Variants in RAD51B observed in about 807,000 individuals in gnomAD.
The protein encoded by RAD51B is DNA repair protein RAD51 homolog 2.
In RAD51B, 38 loss-of-function variants were observed where a neutral mutation model predicts 42.2. That is an observed-to-expected ratio of 0.90 (90% CI 0.70 to 1.18). The LOEUF is 1.18. Ranked by LOEUF, RAD51B falls within the 50% of genes most tolerant of loss-of-function variation. The probability of loss-of-function intolerance (pLI) is 0.00; values close to 1 mark genes in which losing one functional copy is unlikely to be tolerated. For missense variants in RAD51B, 373 were observed against 400.7 expected, an observed-to-expected ratio of 0.93 and a Z score of 0.59; for synonymous variants, 154 against 145.2, an observed-to-expected ratio of 1.06 and a Z score of -0.43.
At chr14:68,515,393 T>A (rs533149921) in intron 10 of RAD51B, among the ~76,000 whole-genome samples, 72 of 151,818 alleles carry the variant, frequency 4.7e-4, no homozygotes, top group Middle Eastern at 3.4e-3. Flanking sequence ...AGCAAAGACA[T>A]TTCAGACATA....
chr14:67,823,817 A>C (rs945520943), intron 2 of RAD51B, among the ~76,000 whole-genome samples, 190 bp downstream of exon 2: 1 of 152,250 alleles, frequency 6.6e-6, no homozygotes, highest in Admixed American at 6.5e-5. Flanking sequence ...TCATTTACCC[A>C]AATTTAGTAT....
chr14:68,371,047 AAAAAAAAAG>A (rs530122374), intron 8 of RAD51B, among the ~76,000 whole-genome samples: 10,140 of 134,022 alleles, frequency 0.076, 593 homozygotes, highest in African/African-American at 0.11. Context: ...AAAAAAAAAA[AAAAAAAAAG>A]AAAAAAAGAA....
chr14:68,414,061 A>C (rs1438508492), intron 9 of RAD51B, among the ~76,000 whole-genome samples: 1 of 152,234 alleles, frequency 6.6e-6, no homozygotes, highest in African/African-American at 2.4e-5. Flanking sequence ...TGTGAGGCTT[A>C]GTTTCAGATC....
intron 9 of RAD51B, among the ~76,000 whole-genome samples, chr14:68,465,724 G>C (rs879414910): frequency 1.3e-5 from 2 of 151,942 alleles, no homozygotes; most frequent in Admixed American, 6.6e-5. Context: ...GGCGGATCAC[G>C]AGGTCAGGAG....
intron 7 of RAD51B, among the ~76,000 whole-genome samples, chr14:68,012,197 T>A (rs1054522224): frequency 6.6e-6 from 1 of 152,128 alleles, no homozygotes; most frequent in Admixed American, 6.6e-5. Context: ...TGGATAATAA[T>A]AAGCTAGAGC....
chr14:68,204,751 C>A (rs947997221), intron 7 of RAD51B, among the ~76,000 whole-genome samples: 9 of 152,044 alleles, frequency 5.9e-5, no homozygotes, highest in African/African-American at 2.2e-4. Flanking sequence ...GAGATGAGTA[C>A]AAGTATGTAT....
chr14:68,593,833 C>T (rs1024792462), intron 10 of RAD51B, among the ~76,000 whole-genome samples: 8 of 152,252 alleles, frequency 5.3e-5, no homozygotes, highest in South Asian at 2.1e-4. Flanking sequence ...GGAAGAAAGA[C>T]GGCTGGGAAG....
At chr14:68,068,691 A>T (rs1350558804) in intron 7 of RAD51B, among the ~76,000 whole-genome samples, 1 of 152,176 alleles carries the variant, frequency 6.6e-6, no homozygotes, top group African/African-American at 2.4e-5. Flanking sequence ...GGAACTGTTA[A>T]ATTGGTTTCC....
At chr14:68,105,818 G>A (rs939297790) in intron 7 of RAD51B, among the ~76,000 whole-genome samples, 9 of 151,930 alleles carry the variant, frequency 5.9e-5, no homozygotes, top group African/African-American at 2.2e-4. Flanking sequence ...TACAAGCACA[G>A]AAACAAGGTT....
intron 7 of RAD51B, among the ~76,000 whole-genome samples, chr14:67,938,508 G>A (rs1237448759): frequency 2.0e-5 from 3 of 152,194 alleles, no homozygotes; most frequent in Non-Finnish European, 2.9e-5. Flanking sequence ...ACATAATTGA[G>A]GGCGTAGGCC....
At chr14:68,441,271 G>A (rs113521269) in intron 9 of RAD51B, among the ~76,000 whole-genome samples, 23,946 of 151,740 alleles carry the variant, frequency 0.16, 2,505 homozygotes, top group Non-Finnish European at 0.23. Context: ...GGCCAGGCAC[G>A]GTGGCTCACG....
At chr14:68,267,357 GA>G (rs912337310) in intron 7 of RAD51B, among the ~76,000 whole-genome samples, 1 of 151,966 alleles carries the variant, frequency 6.6e-6, no homozygotes, top group African/African-American at 2.4e-5. Flanking sequence ...GGTATTATAT[GA>G]AAAAAATTCC....
chr14:68,663,518 G>T (rs1184126920), intron 11 of RAD51B, among the ~76,000 whole-genome samples: 2 of 152,150 alleles, frequency 1.3e-5, no homozygotes, highest in African/African-American at 4.8e-5. Flanking sequence ...CCCGCTGCTA[G>T]CCCTGGAGGG....
At chr14:68,124,099 T>A (rs917433723) in intron 7 of RAD51B, among the ~76,000 whole-genome samples, 5 of 152,092 alleles carry the variant, frequency 3.3e-5, no homozygotes, top group Middle Eastern at 3.2e-3. Flanking sequence ...CCCCATTTTT[T>A]AAAAAAAATT....
intron 10 of RAD51B, among the ~76,000 whole-genome samples, chr14:68,582,827 A>G (rs1293326072): frequency 6.6e-6 from 1 of 152,232 alleles, no homozygotes; most frequent in Admixed American, 6.5e-5. Context: ...GCAGCCATAA[A>G]AAAGGATGAG....
chr14:68,649,360 C>T (rs548752807), intron 10 of RAD51B, among the ~76,000 whole-genome samples: 1 of 152,328 alleles, frequency 6.6e-6, no homozygotes, highest in South Asian at 2.1e-4. Context: ...CCTTGGGCAT[C>T]TCCTGGGGGC....
At chr14:68,583,098 G>A (rs1482829568) in intron 10 of RAD51B, among the ~76,000 whole-genome samples, 1 of 152,124 alleles carries the variant, frequency 6.6e-6, no homozygotes, top group Non-Finnish European at 1.5e-5. Context: ...GTGTATACCA[G>A]TGTAACAAAT....
At chr14:68,428,774 A>C (rs2084923250) in intron 9 of RAD51B, among the ~76,000 whole-genome samples, 1 of 125,790 alleles carries the variant, frequency 7.9e-6, no homozygotes, top group Non-Finnish European at 1.6e-5. Context: ...TAATTATTAT[A>C]CTTTAAGTTC....
intron 7 of RAD51B, among the ~76,000 whole-genome samples, chr14:68,196,594 C>A (rs1188346165): frequency 6.6e-6 from 1 of 152,092 alleles, no homozygotes; most frequent in South Asian, 2.1e-4. Context: ...AAAATTAGAT[C>A]TCCCCTTATA....
Sources: allele counts gnomAD v4.1 joint callset (sites outside exome capture counted in the v4.1 genomes callset), GRCh38; gene constraint gnomAD v4.1.1; transcripts MANE v1.5; gene names NCBI Gene and HGNC (gene_info 2026-07-23, HGNC 2026-07-21).